The following PRKG2 variants were observed in gnomAD, a reference collection of about 807,000 sequenced individuals.
PRKG2 encodes the protein cGMP-dependent protein kinase 2.
In PRKG2, 33 loss-of-function variants were observed where a neutral mutation model predicts 97.2. The ratio of observed to expected loss-of-function variants is 0.34; its 90% CI spans 0.26 to 0.45. The LOEUF is 0.45. PRKG2 is among the 20% of genes least tolerant of loss of function. The probability of loss-of-function intolerance (pLI) is 1.00; values close to 1 mark genes in which losing one functional copy is unlikely to be tolerated. For missense variants in PRKG2, 638 were observed against 900.0 expected, an observed-to-expected ratio of 0.71 and a Z score of 3.73; for synonymous variants, 330 against 321.8, an observed-to-expected ratio of 1.03 and a Z score of -0.27.
intron 14 of PRKG2, among the ~76,000 whole-genome samples, chr4:81,121,453 T>C (rs960872411): frequency 5.3e-5 from 8 of 152,168 alleles, no homozygotes; most frequent in Admixed American, 3.3e-4. Flanking sequence ...TAGAAGGTTA[T>C]TAATTATTGA....
chr4:81,113,363 A>AC (rs869049026), intron 14 of PRKG2, among the ~76,000 whole-genome samples: 7 of 144,724 alleles, frequency 4.8e-5, no homozygotes, highest in East Asian at 2.3e-4. Flanking sequence ...CAAGAAGAGC[A>AC]CCCCCCCTTT....
intron 2 of PRKG2, among the ~76,000 whole-genome samples, chr4:81,177,432 G>A (rs1007870497): frequency 5.9e-5 from 9 of 152,202 alleles, no homozygotes; most frequent in Non-Finnish European, 1.3e-4. Context: ...TCGGCCAGGC[G>A]CGGTGGCTCA....
chr4:81,202,706 G>T (rs1753392133), intron 2 of PRKG2, among the ~76,000 whole-genome samples: 2 of 147,526 alleles, frequency 1.4e-5, no homozygotes, highest in South Asian at 4.3e-4. Context: ...GTCTGGTTTG[G>T]CACAGAAAGT....
At chr4:81,212,297 C>T (rs1342693677) in intron 1 of PRKG2, among the ~76,000 whole-genome samples, 1 of 151,490 alleles carries the variant, frequency 6.6e-6, no homozygotes, top group East Asian at 1.9e-4. Context: ...CTCCCACCCC[C>T]CCAGCAGAAT....
intron 1 of PRKG2, among the ~76,000 whole-genome samples, chr4:81,213,995 C>G (rs1754138503): frequency 6.6e-6 from 1 of 151,902 alleles, no homozygotes; most frequent in African/African-American, 2.4e-5. Context: ...CTGTGCAAAA[C>G]TAAACAGGAG....
At chr4:81,200,752 T>C (rs1753255306) in intron 2 of PRKG2, among the ~76,000 whole-genome samples, 1 of 152,170 alleles carries the variant, frequency 6.6e-6, no homozygotes, top group Non-Finnish European at 1.5e-5. Context: ...TCCAAGGTCT[T>C]CTGATGTTCA....
chr4:81,192,734 G>T (rs1752651838), intron 2 of PRKG2, among the ~76,000 whole-genome samples: 1 of 152,000 alleles, frequency 6.6e-6, no homozygotes, highest in African/African-American at 2.4e-5. Context: ...AGTGGAATGA[G>T]AAAAGTTATG....
intron 9 of PRKG2, among the ~76,000 whole-genome samples, chr4:81,144,611 T>TA (rs1553923796): frequency 0.095 from 12,941 of 136,688 alleles, 1,895 homozygotes; most frequent in African/African-American, 0.37. Flanking sequence ...TATATATATA[T>TA]TTTTTTTTTA....
chr4:81,114,758 A>C (rs1310513208), intron 14 of PRKG2, among the ~76,000 whole-genome samples: 2 of 152,164 alleles, frequency 1.3e-5, no homozygotes, highest in African/African-American at 4.8e-5. Flanking sequence ...TTCCTCCCAC[A>C]GTGCCCTCTT....
At chr4:81,142,680 G>T in intron 11 of PRKG2, 114 bp downstream of exon 11, 2 of 1,272,210 alleles carry the variant, frequency 1.6e-6, no homozygotes, top group Admixed American at 2.4e-5. Context: ...TCAGTTCAAA[G>T]CAACATTTAA....
chr4:81,097,767 T>A (rs907298162), intron 17 of PRKG2, among the ~76,000 whole-genome samples: 2 of 152,196 alleles, frequency 1.3e-5, no homozygotes, highest in African/African-American at 4.8e-5. Context: ...TTAAACTTCA[T>A]GAACCAATTT....
chr4:81,133,492 T>C (rs549645405), intron 14 of PRKG2, among the ~76,000 whole-genome samples: 1 of 152,240 alleles, frequency 6.6e-6, no homozygotes, highest in East Asian at 1.9e-4. Context: ...CTTCAATGTG[T>C]GATTTCCACC....
chr4:81,157,866 AC>A (rs1356793666), intron 6 of PRKG2, among the ~76,000 whole-genome samples: 2 of 147,840 alleles, frequency 1.4e-5, no homozygotes, highest in African/African-American at 5.4e-5. Context: ...AAGGCCTTTG[AC>A]AAAATTCAAC....
chr4:81,176,668 A>G (rs1192652586), intron 2 of PRKG2, among the ~76,000 whole-genome samples: 3 of 152,200 alleles, frequency 2.0e-5, no homozygotes, highest in African/African-American at 7.2e-5. Context: ...AAGTGTGCTA[A>G]GTTTAAGCAA....
rs1753602746 is a variant in PRKG2, at chr4:81,205,567, G to A, written c.-13-507C>T. ...TTTCTCAGAAGACGGAAGCAGAGTT[G>A]GTGATGGTTGATTAGCACTTTCCTC... On this transcript the variant is annotated intron_variant, in intron 1 of 18. Coordinates refer to ENST00000264399, the MANE Select transcript of PRKG2 (RefSeq NM_006259.3). Among the ~76,000 whole-genome samples, 3 of 152,170 alleles carry A rather than the reference G, an allele frequency of 2.0e-5. No individual in the cohort carries two copies. In the South Asian group the frequency reaches 6.2e-4, roughly 32 times the overall value.
chr4:81,103,720 G>C (rs537888775), intron 17 of PRKG2, among the ~76,000 whole-genome samples: 1 of 152,186 alleles, frequency 6.6e-6, no homozygotes, highest in East Asian at 1.9e-4. Context: ...AATATGTACA[G>C]CTAGTATAGA....
At chr4:81,093,871 A>G (rs2109944134) in intron 17 of PRKG2, among the ~76,000 whole-genome samples, 1 of 152,298 alleles carries the variant, frequency 6.6e-6, no homozygotes, top group Admixed American at 6.5e-5. Flanking sequence ...AGGATCTTAT[A>G]ATAAGAACAT....
At chr4:81,129,544 T>C (rs1286414440) in intron 14 of PRKG2, among the ~76,000 whole-genome samples, 1 of 152,202 alleles carries the variant, frequency 6.6e-6, no homozygotes, top group Non-Finnish European at 1.5e-5. Flanking sequence ...ATATTCAGGA[T>C]AGTTAGCTCT....
At chr4:81,213,885 T>C (rs768752597) in intron 1 of PRKG2, among the ~76,000 whole-genome samples, 2 of 152,100 alleles carry the variant, frequency 1.3e-5, no homozygotes, top group Non-Finnish European at 2.9e-5. Context: ...CTGGGCATCA[T>C]CTTTTCAGGT....
Sources: gnomAD v4.1 joint callset for allele counts (sites outside exome capture counted in the v4.1 genomes callset) on GRCh38, gnomAD v4.1.1 for gene constraint, MANE v1.5 for transcripts, NCBI Gene and HGNC (gene_info 2026-07-23, HGNC 2026-07-21) for gene names.